BNIP2: variants seen among roughly 807,000 people sequenced by gnomAD.
BNIP2 encodes BCL2/adenovirus E1B 19 kDa protein-interacting protein 2.
A neutral mutation model predicts 43.4 loss-of-function variants in BNIP2; 36 were observed. That is an observed-to-expected ratio of 0.83 (90% CI 0.64 to 1.10). The LOEUF (loss-of-function observed/expected upper bound fraction) is 1.10, where lower values mean the gene tolerates loss of function less well. Ranked by LOEUF, BNIP2 falls within the 50% of genes least tolerant of loss-of-function variation. The probability of loss-of-function intolerance (pLI) is 0.00; values close to 1 mark genes in which losing one functional copy is unlikely to be tolerated. For missense variants in BNIP2, 417 were observed against 374.1 expected, an observed-to-expected ratio of 1.11 and a Z score of -0.95; for synonymous variants, 146 against 121.0, an observed-to-expected ratio of 1.21 and a Z score of -1.35.
intron 2 of BNIP2, 75 bp from the exon 3 acceptor site, chr15:59,680,383 T>C: frequency 5.5e-6 from 6 of 1,084,982 alleles, no homozygotes; most frequent in Non-Finnish European, 7.9e-6. Context: ...CTATTAAACA[T>C]ACAGCTTATA....
intron 1 of BNIP2, among the ~76,000 whole-genome samples, chr15:59,683,082 T>G (rs1439184805): frequency 1.3e-5 from 2 of 152,266 alleles, no homozygotes; most frequent in African/African-American, 4.8e-5. Flanking sequence ...TCTTTTGATT[T>G]GTTTCATATC....
At chr15:59,674,234 T>C (rs1189001931) in intron 5 of BNIP2, among the ~76,000 whole-genome samples, 3 of 151,924 alleles carry the variant, frequency 2.0e-5, no homozygotes, top group Non-Finnish European at 4.4e-5. Context: ...CAAATACTTC[T>C]GCTTTAACCT....
At chr15:59,667,103 T>G (rs1892612755) in intron 9 of BNIP2, among the ~76,000 whole-genome samples, 1 of 152,242 alleles carries the variant, frequency 6.6e-6, no homozygotes, top group Non-Finnish European at 1.5e-5. Context: ...GAATGTGAAA[T>G]CAGCATGATC....
intron 5 of BNIP2, among the ~76,000 whole-genome samples, chr15:59,675,600 C>A (rs1478270620): frequency 2.0e-5 from 3 of 152,158 alleles, no homozygotes; most frequent in African/African-American, 7.2e-5. Context: ...GAGCAAGACT[C>A]TGTCTCAAAA....
Position 59,669,290 on chromosome 15 carries a change from T to G in BNIP2, c.780A>C (p.Thr260=). ...SWFIRTLLAV[T]RPFISSKFSQ... ...TCAAAAATTACCTAATAAATGGTCT[T>G]GTAACAGCCAGAAGTGTTCTGATAA... The change falls in exon 8 of 10, where the codon ACA becomes ACC. Residue 260 remains threonine (T), a synonymous_variant. Coordinates refer to ENST00000607373, the MANE Select transcript of BNIP2 (RefSeq NM_004330.4). 5 of 1,552,926 alleles carry G rather than the reference T, an allele frequency of 3.2e-6. No individual in the cohort carries two copies. The highest frequency in any genetic ancestry group is 4.3e-6 in the Non-Finnish European group (5 of 1,158,076).
chr15:59,675,965 C>G (rs116667772), intron 5 of BNIP2, among the ~76,000 whole-genome samples: 1 of 152,108 alleles, frequency 6.6e-6, no homozygotes, highest in African/African-American at 2.4e-5. Context: ...ATTCATTGCA[C>G]AGGGGTACTA....
intron 1 of BNIP2, among the ~76,000 whole-genome samples, chr15:59,685,301 A>C (rs1175258758): frequency 6.6e-6 from 1 of 152,118 alleles, no homozygotes; most frequent in Non-Finnish European, 1.5e-5. Flanking sequence ...GGAGTTTGAG[A>C]CCAGCCTGAC....
chr15:59,666,854 G>C (rs1318658105), intron 9 of BNIP2, among the ~76,000 whole-genome samples: 4 of 151,444 alleles, frequency 2.6e-5, no homozygotes, highest in Non-Finnish European at 5.9e-5. Context: ...ATAAAATAGT[G>C]ACAGGTTTCA....
Position 59,689,293 on chromosome 15 carries a change from C to G in BNIP2, c.-216G>C, listed in dbSNP as rs762813524. 1.9e-5 allele frequency: 30 copies of G among 1,545,998 alleles called. No individual in the cohort carries two copies. The highest frequency in any genetic ancestry group is 2.6e-5 in the Non-Finnish European group (30 of 1,145,730). On this transcript the variant is annotated 5_prime_UTR_variant, in exon 1 of 10. Transcript: ENST00000607373. ...TCCCCCGGCCGCAGCGGTACGGCGTCGGCGGCAGCAGCTGACCCGGACACA... is the reference window on the plus strand; with the variant it reads ...TCCCCCGGCCGCAGCGGTACGGCGTGGGCGGCAGCAGCTGACCCGGACACA...
At chr15:59,687,220 T>A (rs1411160122) in intron 1 of BNIP2, among the ~76,000 whole-genome samples, 1 of 152,206 alleles carries the variant, frequency 6.6e-6, no homozygotes, top group Non-Finnish European at 1.5e-5. Flanking sequence ...TGTCTCAGTT[T>A]GTTGTAGTTA....
At chr15:59,675,514 G>A (rs1352159073) in intron 5 of BNIP2, among the ~76,000 whole-genome samples, 1 of 152,004 alleles carries the variant, frequency 6.6e-6, no homozygotes, top group Non-Finnish European at 1.5e-5. Flanking sequence ...GGAGACTGAG[G>A]CAGGAGAATC....
intron 9 of BNIP2, chr15:59,668,204 G>C (rs1208542526): frequency 6.0e-6 from 6 of 998,782 alleles, no homozygotes; most frequent in African/African-American, 5.2e-5. Flanking sequence ...CTTGAAAAAA[G>C]CTACTAAAAA....
rs145271067 is a variant in BNIP2 at position 59,682,188 on chromosome 15, G to A, written c.50+220C>T. ...TTAAAAATACAAAAATTAGCCAGGC[G>A]TGGTGGCGCACACCTATAGTCCCAG... On this transcript the variant is annotated intron_variant, in intron 2 of 9. Coordinates refer to ENST00000607373, the MANE Select transcript of BNIP2 (RefSeq NM_004330.4). 3.4e-3 allele frequency among the ~76,000 whole-genome samples: 516 copies of A among 152,204 alleles called. 6 individuals are homozygous for A. The highest frequency in any genetic ancestry group is 0.012 in the African/African-American group (500 of 41,516).
At chr15:59,669,490 C>T (rs1487179845) in intron 7 of BNIP2, 128 bp from the exon 8 acceptor site, 2 of 569,884 alleles carry the variant, frequency 3.5e-6, no homozygotes, top group Admixed American at 3.7e-5. Context: ...AGGTGTGATA[C>T]CCCTGTAGAC....
intron 2 of BNIP2, among the ~76,000 whole-genome samples, chr15:59,681,642 T>C (rs1893680401): frequency 6.6e-6 from 1 of 152,046 alleles, no homozygotes; most frequent in South Asian, 2.1e-4. Flanking sequence ...AGACGGGGTT[T>C]CACCATGTTG....
At chr15:59,678,167 G>A in intron 4 of BNIP2, 80 bp from the exon 5 acceptor site, 1 of 1,445,110 alleles carries the variant, frequency 6.9e-7, no homozygotes, top group Non-Finnish European at 9.1e-7. Flanking sequence ...TTACTACCTA[G>A]ATTTTACAGA....
chr15:59,667,279 T>A (rs1259510248), intron 9 of BNIP2, among the ~76,000 whole-genome samples: 1 of 152,214 alleles, frequency 6.6e-6, no homozygotes, highest in Non-Finnish European at 1.5e-5. Context: ...AGTTGGCTCC[T>A]TAGAATGGTC....
At chr15:59,665,335 G>A (rs1452834617) in intron 9 of BNIP2, 2 of 151,650 alleles carry the variant, frequency 1.3e-5, no homozygotes, top group Non-Finnish European at 2.9e-5. Flanking sequence ...TTATTGGCTA[G>A]ACACAGTGGC....
chr15:59,678,907 T>C, intron 4 of BNIP2: 1 of 1,274,784 alleles, frequency 7.8e-7, no homozygotes, highest in Non-Finnish European at 1.0e-6. Context: ...TACAAAGTAT[T>C]GCTTACTACT....
Sources: gnomAD v4.1 joint callset for allele counts (sites outside exome capture counted in the v4.1 genomes callset) on GRCh38, gnomAD v4.1.1 for gene constraint, MANE v1.5 for transcripts, NCBI Gene and HGNC (gene_info 2026-07-23, HGNC 2026-07-21) for gene names.